KCNIP4: variants seen among roughly 807,000 people sequenced by gnomAD.
KCNIP4 encodes the protein Kv channel-interacting protein 4.
In KCNIP4, 12 loss-of-function variants were observed where a neutral mutation model predicts 34.0. That is an observed-to-expected ratio of 0.35 (90% CI 0.23 to 0.57). KCNIP4 has a LOEUF of 0.57. KCNIP4 is among the 20% of genes least tolerant of loss of function. The pLI, the probability that KCNIP4 is intolerant of heterozygous loss-of-function variation, is 0.83. For missense variants in KCNIP4, 238 were observed against 311.7 expected (o/e 0.76, Z 1.78); for synonymous variants, 124 against 102.2 (o/e 1.21, Z -1.29).
intron 4 of KCNIP4, among the ~76,000 whole-genome samples, chr4:20,752,055 GT>G (rs33912651): frequency 2.1e-4 from 25 of 121,670 alleles, no homozygotes; most frequent in East Asian, 1.5e-3. Context: ...ACTTCATAGA[GT>G]TTTTTTTTTT....
intron 3 of KCNIP4, among the ~76,000 whole-genome samples, chr4:20,837,233 C>T (rs889718260): frequency 1.3e-5 from 2 of 152,132 alleles, no homozygotes; most frequent in Non-Finnish European, 2.9e-5. Context: ...TTTCTTTTGA[C>T]ACATTCTCCT....
intron 2 of KCNIP4, among the ~76,000 whole-genome samples, chr4:20,858,785 C>G (rs1721894421): frequency 6.6e-6 from 1 of 152,076 alleles, no homozygotes; most frequent in African/African-American, 2.4e-5. Context: ...GTATATTATC[C>G]CATTTTAATA....
intron 1 of KCNIP4, among the ~76,000 whole-genome samples, chr4:20,944,586 C>T (rs1345733592): frequency 6.6e-6 from 1 of 152,162 alleles, no homozygotes; most frequent in Non-Finnish European, 1.5e-5. Context: ...AGAGGCTGCC[C>T]CACTGTGATG....
At chr4:21,439,246 T>G (rs1316886507) in intron 1 of KCNIP4, among the ~76,000 whole-genome samples, 5 of 151,874 alleles carry the variant, frequency 3.3e-5, no homozygotes, top group Admixed American at 6.6e-5. Context: ...CCTATGTCTC[T>G]CCTATGATGT....
chr4:21,201,296 C>T (rs1471001184), intron 1 of KCNIP4, among the ~76,000 whole-genome samples: 1 of 152,078 alleles, frequency 6.6e-6, no homozygotes, highest in Non-Finnish European at 1.5e-5. Context: ...AAGAGGTTGA[C>T]ATGCTTTGAG....
intron 1 of KCNIP4, among the ~76,000 whole-genome samples, chr4:21,711,308 C>CA (rs1401636424): frequency 1.9e-4 from 29 of 152,026 alleles, no homozygotes; most frequent in African/African-American, 6.8e-4. Flanking sequence ...TTCATCTCTA[C>CA]AAAAAATACA....
intron 1 of KCNIP4, among the ~76,000 whole-genome samples, chr4:20,961,294 A>G (rs1733824423): frequency 6.6e-6 from 1 of 152,204 alleles, no homozygotes; most frequent in Admixed American, 6.5e-5. Context: ...TCAAATAAAG[A>G]AAACATCCTG....
intron 1 of KCNIP4, among the ~76,000 whole-genome samples, chr4:21,498,195 AGAAAACTAATAC>A (rs1200755435): frequency 3.9e-5 from 6 of 152,252 alleles, no homozygotes; most frequent in Non-Finnish European, 8.8e-5. Flanking sequence ...CTGAGCATAT[AGAAAACTAATAC>A]GAAAGAATAT....
rs1379217379 is a variant in KCNIP4 at position 20,929,054 on chromosome 4, G to A, written c.62-46345C>T. Among the ~76,000 whole-genome samples, 8 of 151,994 alleles carry A rather than the reference G, an allele frequency of 5.3e-5. 1 individual carries two copies. In the Middle Eastern group the frequency reaches 0.01, roughly 194 times the overall value. Reference sequence around the variant, plus strand: ...CATTTTACAAGGCAAGCATCACCTTGATCCCTAAGCCAATGACATCACAAA... The same window carrying A: ...CATTTTACAAGGCAAGCATCACCTTAATCCCTAAGCCAATGACATCACAAA... On this transcript the variant is annotated intron_variant, in intron 1 of 8. Transcript: ENST00000382152.
intron 1 of KCNIP4, among the ~76,000 whole-genome samples, chr4:21,871,347 G>C (rs530358046): frequency 1.8e-4 from 27 of 148,310 alleles, no homozygotes; most frequent in Non-Finnish European, 2.4e-4. Context: ...GCACACGTAT[G>C]TTTACTGTGG....
intron 1 of KCNIP4, among the ~76,000 whole-genome samples, chr4:21,386,886 T>C (rs1479764681): frequency 1.3e-5 from 2 of 152,122 alleles, no homozygotes; most frequent in African/African-American, 4.8e-5. Flanking sequence ...TCCACAAAGC[T>C]TGAAAGGAAC....
chr4:21,323,001 A>G (rs1191489987), intron 1 of KCNIP4, among the ~76,000 whole-genome samples: 2 of 151,974 alleles, frequency 1.3e-5, no homozygotes, highest in African/African-American at 2.4e-5. Context: ...AATTAAAGGG[A>G]ATTGATGGTA....
intron 1 of KCNIP4, among the ~76,000 whole-genome samples, chr4:21,892,382 A>G (rs1425712715): frequency 6.6e-6 from 1 of 151,964 alleles, no homozygotes; most frequent in Admixed American, 6.6e-5. Flanking sequence ...TTACCCTCAC[A>G]GGGCAGGGCA....
At chr4:21,796,810 C>T (rs970664130) in intron 1 of KCNIP4, among the ~76,000 whole-genome samples, 7 of 152,074 alleles carry the variant, frequency 4.6e-5, no homozygotes, top group African/African-American at 9.7e-5. Context: ...CTGTGGTTTG[C>T]GGGAGTCAAG....
At chr4:21,445,593 C>G (rs546659110) in intron 1 of KCNIP4, among the ~76,000 whole-genome samples, 9 of 152,272 alleles carry the variant, frequency 5.9e-5, no homozygotes, top group African/African-American at 1.4e-4. Context: ...GAAACTGGAT[C>G]CCTTCCTTAC....
chr4:21,024,570 T>C (rs1389397873), intron 1 of KCNIP4, among the ~76,000 whole-genome samples: 3 of 152,234 alleles, frequency 2.0e-5, no homozygotes, highest in African/African-American at 7.2e-5. Context: ...CATATGTATA[T>C]ATTTCCAATG....
intron 1 of KCNIP4, among the ~76,000 whole-genome samples, chr4:21,741,796 C>T (rs536262459): frequency 2.6e-5 from 4 of 152,110 alleles, no homozygotes; most frequent in Non-Finnish European, 4.4e-5. Context: ...CCCAGCACTT[C>T]GGGAAGCCAA....
At position 20,732,726 on chromosome 4, in the gene KCNIP4, G is replaced by C. The variant is rs772090522; in HGVS notation, c.597C>G (p.Val199=). 1.5e-5 allele frequency: 24 copies of C among 1,612,694 alleles called. No homozygotes were observed. In the African/African-American group the frequency reaches 2.7e-4, roughly 18 times the overall value. The change falls in exon 7 of 9, where the codon GTC becomes GTG. Residue 199 remains valine (V), a synonymous_variant. Coordinates refer to ENST00000382152, the MANE Select transcript of KCNIP4 (RefSeq NM_025221.6). Reference sequence around the variant, plus strand: ...GTTGTCTGGGAGCATCTTCTTTGAGGACAGGATATGTACATTTACCCATCA... The same window carrying C: ...GTTGTCTGGGAGCATCTTCTTTGAGCACAGGATATGTACATTTACCCATCA... The part of the protein sequence containing the change: ...YDMMGKCTYP[V]LKEDAPRQHV...
At chr4:21,660,521 T>C (rs1748359713) in intron 1 of KCNIP4, among the ~76,000 whole-genome samples, 1 of 152,188 alleles carries the variant, frequency 6.6e-6, no homozygotes, top group South Asian at 2.1e-4. Context: ...TCATAGGTAG[T>C]CACAGATGAC....
Sources: allele counts gnomAD v4.1 joint callset (sites outside exome capture counted in the v4.1 genomes callset), GRCh38; gene constraint gnomAD v4.1.1; transcripts MANE v1.5; gene names NCBI Gene and HGNC (gene_info 2026-07-23, HGNC 2026-07-21).